LRRC4C: variants seen among roughly 807,000 people sequenced by gnomAD.
The protein encoded by LRRC4C is leucine rich repeat containing 4C, also known as leucine-rich repeat-containing protein 4C.
In LRRC4C, 5 loss-of-function variants were observed where a neutral mutation model predicts 33.6. The ratio of observed to expected loss-of-function variants is 0.15; its 90% CI spans 0.08 to 0.31. The LOEUF (loss-of-function observed/expected upper bound fraction) is 0.31, where lower values mean the gene tolerates loss of function less well. Ranked by LOEUF, LRRC4C falls within the 10% of genes least tolerant of loss-of-function variation. LRRC4C has a pLI of 1.00. For synonymous variants in LRRC4C, 329 were observed against 302.0 expected (o/e 1.09, Z -0.93); for missense variants, 560 against 796.7 (o/e 0.70, Z 3.58).
At chr11:41,181,227 C>G (rs1234179620) in intron 1 of LRRC4C, among the ~76,000 whole-genome samples, 1 of 152,076 alleles carries the variant, frequency 6.6e-6, no homozygotes, top group Non-Finnish European at 1.5e-5. Context: ...CTTACCTTCT[C>G]CCCCACAGCC....
At chr11:40,477,095 C>T (rs1403411667) in intron 3 of LRRC4C, among the ~76,000 whole-genome samples, 3 of 152,270 alleles carry the variant, frequency 2.0e-5, no homozygotes, top group Middle Eastern at 3.4e-3. Flanking sequence ...ATTCTGCTCA[C>T]GTATTATTTT....
At chr11:40,819,038 T>C (rs1394199721) in intron 2 of LRRC4C, among the ~76,000 whole-genome samples, 2 of 152,060 alleles carry the variant, frequency 1.3e-5, no homozygotes, top group Non-Finnish European at 2.9e-5. Context: ...TGATGATTCA[T>C]TTCCTATGAA....
At chr11:41,004,581 T>C (rs1854603960) in intron 1 of LRRC4C, among the ~76,000 whole-genome samples, 1 of 152,226 alleles carries the variant, frequency 6.6e-6, no homozygotes, top group Non-Finnish European at 1.5e-5. Context: ...TTAGATGATA[T>C]ATTCTTCTAG....
rs574824275 is a variant in LRRC4C at position 41,454,156 on chromosome 11, T to C, written c.-496+5275A>G. The stretch of plus-strand genomic sequence containing the variant: ...GTACCGAAATACCTGGGTCAAGTGG[T>C]ACCAGCCGTGCAGTTAGCAAAGCAG... On this transcript the variant is annotated intron_variant, in intron 1 of 6. Transcript: ENST00000528697. Among the ~76,000 whole-genome samples the C allele has an allele frequency of 4.6e-5, 7 of 152,256 alleles. No homozygotes were observed. The South Asian group carries it at 1.2e-3, about 27-fold the overall frequency.
At chr11:41,286,032 T>C (rs558455785) in intron 1 of LRRC4C, among the ~76,000 whole-genome samples, 69 of 152,150 alleles carry the variant, frequency 4.5e-4, no homozygotes, top group Non-Finnish European at 8.5e-4. Flanking sequence ...GGTTTCACCA[T>C]GTTAGCCAGG....
intron 3 of LRRC4C, among the ~76,000 whole-genome samples, chr11:40,497,959 A>G (rs1478065000): frequency 1.3e-5 from 2 of 152,222 alleles, no homozygotes; most frequent in Non-Finnish European, 2.9e-5. Context: ...ATTTTATGGT[A>G]TAAGAAAGTG....
chr11:41,303,861 G>A (rs77302162), intron 1 of LRRC4C, among the ~76,000 whole-genome samples: 9 of 40,268 alleles, frequency 2.2e-4, no homozygotes, highest in Admixed American at 2.1e-3. Flanking sequence ...CAATCACCCC[G>A]TCTGAGAAGT....
chr11:40,252,445 A>G (rs976096229), intron 4 of LRRC4C, among the ~76,000 whole-genome samples: 1 of 152,090 alleles, frequency 6.6e-6, no homozygotes, highest in African/African-American at 2.4e-5. Context: ...ATCTTACCAC[A>G]TATTTTATAG....
chr11:40,761,090 G>C (rs559364137), intron 2 of LRRC4C, among the ~76,000 whole-genome samples: 2 of 151,722 alleles, frequency 1.3e-5, no homozygotes, highest in South Asian at 4.2e-4. Context: ...TTATGTTTAT[G>C]ATTATGTTTA....
Position 40,114,211 on chromosome 11 carries a change from T to G in LRRC4C, c.*159A>C, listed in dbSNP as rs1855244243. 2 of 826,686 alleles carry G rather than the reference T, an allele frequency of 2.4e-6. No homozygotes were observed. The highest frequency in any genetic ancestry group is 6.8e-5 in the Admixed American group (2 of 29,316). 51.2% of individuals were successfully genotyped at this position (826,686 alleles called of 1,614,324 possible). On this transcript the variant is annotated 3_prime_UTR_variant, in exon 7 of 7. Transcript: ENST00000528697. Reference sequence around the variant, plus strand: ...GGAATACACATAATTTTGTCTGCTTTAGATCACAATAGAATTTTTAATAAA... The same window carrying G: ...GGAATACACATAATTTTGTCTGCTTGAGATCACAATAGAATTTTTAATAAA...
At chr11:40,858,198 T>C (rs1953895984) in intron 2 of LRRC4C, among the ~76,000 whole-genome samples, 1 of 152,186 alleles carries the variant, frequency 6.6e-6, no homozygotes. Flanking sequence ...ACCGTATTAG[T>C]GCAAAACTAT....
At chr11:40,964,411 G>T (rs1443793590) in intron 1 of LRRC4C, among the ~76,000 whole-genome samples, 2 of 151,654 alleles carry the variant, frequency 1.3e-5, no homozygotes, top group African/African-American at 4.8e-5. Context: ...GGCTACATGT[G>T]CACAACGTGC....
chr11:40,383,876 G>C (rs1175771570), intron 3 of LRRC4C, among the ~76,000 whole-genome samples: 1 of 148,518 alleles, frequency 6.7e-6, no homozygotes, highest in East Asian at 2.0e-4. Flanking sequence ...GTTGAGATAG[G>C]GTCTCTCCAT....
At chr11:40,207,093 A>C (rs1246353608) in intron 5 of LRRC4C, among the ~76,000 whole-genome samples, 1 of 152,182 alleles carries the variant, frequency 6.6e-6, no homozygotes, top group Non-Finnish European at 1.5e-5. Context: ...AAGAAGGCCA[A>C]TATTCACGAA....
chr11:40,998,440 A>C (rs576291565), intron 1 of LRRC4C, among the ~76,000 whole-genome samples: 62 of 152,282 alleles, frequency 4.1e-4, no homozygotes, highest in African/African-American at 1.5e-3. Flanking sequence ...TGTAAAAAAA[A>C]TTAAAATTGA....
At chr11:40,738,475 T>C (rs1012990121) in intron 2 of LRRC4C, among the ~76,000 whole-genome samples, 11 of 152,164 alleles carry the variant, frequency 7.2e-5, no homozygotes, top group Admixed American at 6.6e-4. Context: ...ATACAGAGTA[T>C]AGATCATTCA....
chr11:40,623,733 G>T (rs957099356), intron 3 of LRRC4C, among the ~76,000 whole-genome samples: 3 of 152,150 alleles, frequency 2.0e-5, no homozygotes, highest in Admixed American at 6.6e-5. Context: ...TACAAATGTT[G>T]TCTCTTGAGA....
rs190214442 is a variant in LRRC4C, at chr11:40,650,115, G to T, written c.-406-1837C>A. The stretch of plus-strand genomic sequence containing the variant: ...CTAATGAAGAATTCCAAAAAAAATA[G>T]ATAATGAATTTCCTGTCACAGTATA... On this transcript the variant is annotated intron_variant, in intron 2 of 6. Coordinates refer to ENST00000528697, the MANE Select transcript of LRRC4C (RefSeq NM_001258419.2). 1.4e-3 allele frequency among the ~76,000 whole-genome samples: 216 copies of T among 152,248 alleles called. 1 individual carries two copies. Among genetic ancestry groups the T allele is most frequent in the African/African-American group, 5.1e-3 (211 of 41,546 alleles).
chr11:40,951,779 G>A (rs1454917416), intron 1 of LRRC4C, among the ~76,000 whole-genome samples: 2 of 151,898 alleles, frequency 1.3e-5, no homozygotes, highest in African/African-American at 4.8e-5. Context: ...ATATACCTCG[G>A]TAAGACAAGA....
Sources: allele counts gnomAD v4.1 joint callset (sites outside exome capture counted in the v4.1 genomes callset), GRCh38; gene constraint gnomAD v4.1.1; transcripts MANE v1.5; gene names NCBI Gene and HGNC (gene_info 2026-07-23, HGNC 2026-07-21).